The following NAV3 variants were observed in gnomAD, a reference collection of about 807,000 sequenced individuals.
The protein encoded by NAV3 is neuron navigator 3.
In NAV3, 87 loss-of-function variants were observed where a neutral mutation model predicts 244.7. That is an observed-to-expected ratio of 0.36 (90% CI 0.30 to 0.42). NAV3 has a LOEUF of 0.42. Among genes scored for constraint, NAV3 ranks in the 20% least tolerant of loss-of-function variants. The pLI is 1.00. For synonymous variants in NAV3, 1,126 were observed against 1,042.2 expected, an observed-to-expected ratio of 1.08 and a Z score of -1.55; for missense variants, 2,663 against 2,893.3, an observed-to-expected ratio of 0.92 and a Z score of 1.83.
chr12:78,076,087 A>ATCT (rs1172964391), intron 12 of NAV3, among the ~76,000 whole-genome samples: 1 of 152,104 alleles, frequency 6.6e-6, no homozygotes, highest in East Asian at 1.9e-4. Context: ...TGTTTTCCCA[A>ATCT]TCTGAGCATC....
At chr12:77,748,735 G>A (rs978689065) in intron 2 of NAV3, among the ~76,000 whole-genome samples, 1 of 152,124 alleles carries the variant, frequency 6.6e-6, no homozygotes, top group Non-Finnish European at 1.5e-5. Flanking sequence ...GGGCTTGGGG[G>A]AGATGGGGAG....
chr12:77,755,016 A>T (rs866550082), intron 2 of NAV3, among the ~76,000 whole-genome samples: 2 of 152,288 alleles, frequency 1.3e-5, no homozygotes, highest in African/African-American at 4.8e-5. Context: ...TATCGGGAAA[A>T]GTTTTTTTGC....
chr12:77,955,872 A>G (rs1891312307), intron 3 of NAV3, among the ~76,000 whole-genome samples: 1 of 152,136 alleles, frequency 6.6e-6, no homozygotes, highest in African/African-American at 2.4e-5. Flanking sequence ...CCCTGTCTCG[A>G]AAAAAGAAAA....
At chr12:78,129,734 G>A (rs1277728542) in intron 18 of NAV3, among the ~76,000 whole-genome samples, 1 of 152,042 alleles carries the variant, frequency 6.6e-6, no homozygotes, top group Admixed American at 6.6e-5. Context: ...ACATAAAGAT[G>A]AGTATTGATA....
In NAV3 at chr12:77,670,227, CCT is replaced by C. The variant is rs373383153; in HGVS notation, c.72+97963_72+97964del. ...GAATAAATTCCTGGATGTATACCAT[CCT>C]CCAAGGTTAAACCAGAAAGATATAG... is the stretch of plus-strand genomic sequence containing the variant. On this transcript the variant is annotated intron_variant, in intron 2 of 8. Coordinates refer to the NAV3 transcript ENST00000550042. 2.4e-4 allele frequency among the ~76,000 whole-genome samples: 36 copies of C among 152,220 alleles called. 1 individual carries two copies. In the South Asian group the frequency reaches 7.5e-3, roughly 32 times the overall value.
intron 2 of NAV3, among the ~76,000 whole-genome samples, chr12:77,770,548 G>T (rs1001853734): frequency 6.6e-6 from 1 of 152,184 alleles, no homozygotes; most frequent in African/African-American, 2.4e-5. Flanking sequence ...CTTAGAGGCA[G>T]CTTGCCCCAG....
intron 2 of NAV3, among the ~76,000 whole-genome samples, chr12:77,697,631 T>C (rs1356591458): frequency 6.6e-6 from 1 of 152,142 alleles, no homozygotes; most frequent in East Asian, 1.9e-4. Context: ...CTCATTTTAT[T>C]AATCACTCAT....
At chr12:77,818,133 A>C (rs1442390522) in intron 2 of NAV3, among the ~76,000 whole-genome samples, 1 of 152,148 alleles carries the variant, frequency 6.6e-6, no homozygotes, top group East Asian at 1.9e-4. Context: ...AAACAAAAAC[A>C]ATTTAAGGAA....
chr12:77,729,693 C>T (rs886784161), intron 2 of NAV3, among the ~76,000 whole-genome samples: 3 of 151,932 alleles, frequency 2.0e-5, no homozygotes, highest in Non-Finnish European at 4.4e-5. Context: ...TGAAATTCTG[C>T]AGCAGCAATT....
intron 2 of NAV3, among the ~76,000 whole-genome samples, chr12:77,812,190 G>C (rs771279084): frequency 4.6e-5 from 7 of 152,042 alleles, no homozygotes; most frequent in Non-Finnish European, 7.4e-5. Context: ...ACAAACTTTA[G>C]CTTCTATTCC....
intron 2 of NAV3, among the ~76,000 whole-genome samples, chr12:77,639,209 C>T (rs937022570): frequency 1.3e-5 from 2 of 152,080 alleles, no homozygotes; most frequent in Non-Finnish European, 2.9e-5. Flanking sequence ...TTTTTATCCT[C>T]ATCTTGTATG....
rs905943181 is a variant in NAV3, at chr12:77,798,889, T to C, written c.73-141430T>C. Among the ~76,000 whole-genome samples the C allele has an allele frequency of 2.0e-5, 3 of 152,236 alleles. No homozygotes were observed. In the East Asian group the frequency reaches 5.8e-4, roughly 29 times the overall value. On this transcript the variant is annotated intron_variant, in intron 2 of 8. Coordinates refer to the NAV3 transcript ENST00000550042. ...AATTACGTATTTGGAGGAGAAATAC[T>C]GTGTTAGCTTTGCTGCAGAACAAAA...
At chr12:77,695,912 A>T (rs1010417866) in intron 2 of NAV3, among the ~76,000 whole-genome samples, 1 of 152,160 alleles carries the variant, frequency 6.6e-6, no homozygotes, top group African/African-American at 2.4e-5. Context: ...CCCAGAGAAG[A>T]TTATGAAAGT....
intron 5 of NAV3, among the ~76,000 whole-genome samples, chr12:77,982,188 T>A (rs1869691129): frequency 6.6e-6 from 1 of 152,194 alleles, no homozygotes; most frequent in South Asian, 2.1e-4. Flanking sequence ...ACTGTCTACT[T>A]GGGCAGAGTC....
chr12:77,739,948 T>C (rs1446074805), intron 2 of NAV3, among the ~76,000 whole-genome samples: 1 of 152,176 alleles, frequency 6.6e-6, no homozygotes, highest in African/African-American at 2.4e-5. Context: ...AAATTTAAAT[T>C]ATTTAAATTG....
Position 78,185,693 on chromosome 12 carries a change from G to A in NAV3, c.5785G>A (p.Ala1929Thr), listed in dbSNP as rs1958683161. The change falls in exon 31 of 40, where the codon GCA becomes ACA. Residue 1929 changes from alanine to threonine, a missense_variant. Transcript: ENST00000397909. ...CTCCATAAGCAAGGGCTATGGTCGAGCAAAGGTACTTCTTTAATCTTAAAC... is the reference window on the plus strand; with the variant it reads ...CTCCATAAGCAAGGGCTATGGTCGAACAAAGGTACTTCTTTAATCTTAAAC... ...IVSISKGYGR[A>T]KDQKSQAYLI... 1.2e-6 allele frequency: 2 copies of A among 1,606,984 alleles called. No homozygotes were observed. Among genetic ancestry groups the A allele is most frequent in the Non-Finnish European group, 1.7e-6 (2 of 1,176,428 alleles).
chr12:77,812,214 A>G (rs1304382372), intron 2 of NAV3, among the ~76,000 whole-genome samples: 1 of 152,112 alleles, frequency 6.6e-6, no homozygotes, highest in Non-Finnish European at 1.5e-5. Flanking sequence ...AACTGACCTT[A>G]TGCCCTCCTT....
chr12:77,618,392 A>G (rs1871225811), intron 2 of NAV3, among the ~76,000 whole-genome samples: 1 of 152,232 alleles, frequency 6.6e-6, no homozygotes, highest in African/African-American at 2.4e-5. Context: ...CTACTAAAAC[A>G]CAAGCAAAAT....
In NAV3 at chr12:77,786,173, G is replaced by A. The variant is rs145888893; in HGVS notation, c.73-154146G>A. The stretch of plus-strand genomic sequence containing the variant: ...TCATTTCTCCAGGGTAATTGAAAGT[G>A]TCTATTATATTATGCCCCTAACTGC... On this transcript the variant is annotated intron_variant, in intron 2 of 8. Coordinates refer to the NAV3 transcript ENST00000550042. Among the ~76,000 whole-genome samples, 357 of 152,180 alleles carry A rather than the reference G, an allele frequency of 2.3e-3. 3 individuals are homozygous for A. Among genetic ancestry groups the A allele is most frequent in the African/African-American group, 8.2e-3 (342 of 41,510 alleles).
Sources: gnomAD v4.1 joint callset for allele counts (sites outside exome capture counted in the v4.1 genomes callset) on GRCh38, gnomAD v4.1.1 for gene constraint, MANE v1.5 for transcripts, NCBI Gene and HGNC (gene_info 2026-07-23, HGNC 2026-07-21) for gene names.